Variants in GALNT13 observed in about 807,000 individuals in gnomAD.
The protein encoded by GALNT13 is polypeptide N-acetylgalactosaminyltransferase 13, also known as UDP-GalNAc:polypeptide N-acetylgalactosaminyltransferase 13.
In GALNT13, 28 loss-of-function variants were observed where a neutral mutation model predicts 64.2. The observed-to-expected ratio is 0.44, with a 90% confidence interval of 0.32 to 0.60. The LOEUF is 0.60. GALNT13 is among the 20% of genes least tolerant of loss of function. The pLI is 0.05. For missense variants in GALNT13, 577 were observed against 669.8 expected, an observed-to-expected ratio of 0.86 and a Z score of 1.53; for synonymous variants, 214 against 224.6, an observed-to-expected ratio of 0.95 and a Z score of 0.42.
upstream of GALNT13, among the ~76,000 whole-genome samples, chr2:153,867,664 A>G (rs1205620322): frequency 6.6e-6 from 1 of 151,876 alleles, no homozygotes; most frequent in East Asian, 1.9e-4. Flanking sequence ...AACTCACCAT[A>G]ATGTAGAATC....
chr2:153,153,145 C>T, the GALNT13 span, among the ~76,000 whole-genome samples: 1 of 152,098 alleles, frequency 6.6e-6, no homozygotes, highest in Non-Finnish European at 1.5e-5. Flanking sequence ...TTGCATTTCT[C>T]TAATGATCAG....
chr2:154,127,839 T>G (rs1456033906), intron 3 of GALNT13, among the ~76,000 whole-genome samples: 2 of 151,446 alleles, frequency 1.3e-5, no homozygotes, highest in Admixed American at 1.3e-4. Flanking sequence ...AATATAAACC[T>G]GCATTCATAT....
intron 3 of GALNT13, among the ~76,000 whole-genome samples, chr2:154,124,964 T>C (rs563302166): frequency 6.6e-6 from 1 of 152,252 alleles, no homozygotes; most frequent in East Asian, 1.9e-4. Context: ...TAAATATTAA[T>C]AACAAACTCT....
the GALNT13 span, among the ~76,000 whole-genome samples, chr2:153,202,112 G>A: frequency 1.3e-5 from 2 of 151,296 alleles, no homozygotes; most frequent in Non-Finnish European, 2.9e-5. Context: ...AGCCTCCCGA[G>A]TAGCTGGGAC....
intron 9 of GALNT13, among the ~76,000 whole-genome samples, chr2:154,303,302 C>T (rs1459843502): frequency 1.3e-5 from 2 of 152,022 alleles, no homozygotes; most frequent in African/African-American, 4.8e-5. Flanking sequence ...CTGGGGCCCA[C>T]AGAATGGTTG....
At chr2:154,422,438 G>A (rs539272626) in intron 11 of GALNT13, among the ~76,000 whole-genome samples, 7 of 152,048 alleles carry the variant, frequency 4.6e-5, no homozygotes, top group Non-Finnish European at 1.0e-4. Flanking sequence ...TACATGTGGT[G>A]TATACAGAAA....
At chr2:153,640,793 C>T in the GALNT13 span, among the ~76,000 whole-genome samples, 1 of 151,990 alleles carries the variant, frequency 6.6e-6, no homozygotes. Flanking sequence ...AAAAGTTTGT[C>T]AGGTGGGAAG....
At chr2:153,608,044 C>G in the GALNT13 span, among the ~76,000 whole-genome samples, 3 of 152,066 alleles carry the variant, frequency 2.0e-5, no homozygotes, top group African/African-American at 7.2e-5. Flanking sequence ...AAACTGGCCA[C>G]TGGAAGGATC....
intron 9 of GALNT13, among the ~76,000 whole-genome samples, chr2:154,355,185 C>T (rs1278971373): frequency 1.3e-5 from 2 of 152,030 alleles, no homozygotes; most frequent in Admixed American, 1.3e-4. Flanking sequence ...GGTTGTATAG[C>T]CTGTAGATAT....
the GALNT13 span, among the ~76,000 whole-genome samples, chr2:153,380,564 G>A: frequency 1.3e-5 from 2 of 151,966 alleles, no homozygotes; most frequent in South Asian, 2.1e-4. Context: ...TGATACTGTG[G>A]ATTTTGGTAA....
At chr2:154,001,036 A>G (rs910277616) in intron 3 of GALNT13, among the ~76,000 whole-genome samples, 11 of 151,978 alleles carry the variant, frequency 7.2e-5, no homozygotes, top group African/African-American at 2.7e-4. Context: ...CTTTATTATT[A>G]TATAATGGCT....
intron 3 of GALNT13, among the ~76,000 whole-genome samples, chr2:154,103,930 T>TA (rs1702476163): frequency 1.3e-5 from 2 of 152,104 alleles, no homozygotes; most frequent in Non-Finnish European, 2.9e-5. Flanking sequence ...GTGTTCCCAT[T>TA]TGGTCTCCAG....
Position 154,409,094 on chromosome 2 carries a change from CTTTT to C in GALNT13, c.1395+14_1395+17del. On this transcript the variant is annotated intron_variant, in intron 11 of 12. Transcript: ENST00000392825. ...TGGGAGGAAATCAGGTAAACTCTCC[CTTTT>C]TATCAGCTTCATGTTTTAGAGGGAA... 1 of 1,504,366 alleles carries C rather than the reference CTTTT, an allele frequency of 6.6e-7. No homozygotes were observed. 93.2% of individuals were successfully genotyped at this position (1,504,366 alleles called of 1,614,324 possible).
chr2:153,091,627 T>A, the GALNT13 span, among the ~76,000 whole-genome samples: 1 of 152,224 alleles, frequency 6.6e-6, no homozygotes, highest in Non-Finnish European at 1.5e-5. Flanking sequence ...GGGAGCTGCA[T>A]GTTAGCCTTG....
intron 12 of GALNT13, chr2:154,446,845 ATGTGGTT>A: frequency 7.3e-7 from 1 of 1,369,396 alleles, no homozygotes; most frequent in Non-Finnish European, 9.6e-7. Flanking sequence ...CTCCTTTAAA[ATGTGGTT>A]AAGAAAAATT....
At position 154,377,787 on chromosome 2, in the gene GALNT13, CAATA is replaced by C. The variant is rs1208555446; in HGVS notation, c.1157-18198_1157-18195del. On this transcript the variant is annotated intron_variant, in intron 9 of 12. Coordinates refer to ENST00000392825, the MANE Select transcript of GALNT13 (RefSeq NM_052917.4). ...ACTTCCCTTCTAGTATGAAGACAGA[CAATA>C]AATAAGATTATGATAGTAGCTGAGG... Among the ~76,000 whole-genome samples the C allele has an allele frequency of 2.0e-5, 3 of 151,914 alleles. No individual in the cohort carries two copies. In the East Asian group the frequency reaches 5.8e-4, roughly 29 times the overall value.
chr2:153,307,518 C>A, the GALNT13 span, among the ~76,000 whole-genome samples: 1 of 151,908 alleles, frequency 6.6e-6, no homozygotes, highest in Non-Finnish European at 1.5e-5. Flanking sequence ...AAATTTTACA[C>A]TTTAAAATAA....
chr2:154,224,646 A>G (rs1559034591), intron 4 of GALNT13, among the ~76,000 whole-genome samples: 1 of 152,150 alleles, frequency 6.6e-6, no homozygotes, highest in African/African-American at 2.4e-5. Context: ...TTAATATATG[A>G]TAAAAATGAC....
At chr2:153,415,132 G>T in the GALNT13 span, among the ~76,000 whole-genome samples, 1 of 152,172 alleles carries the variant, frequency 6.6e-6, no homozygotes, top group Non-Finnish European at 1.5e-5. Flanking sequence ...AAAAGACTAA[G>T]ATCCAGAAGA....
Sources: allele counts gnomAD v4.1 joint callset (sites outside exome capture counted in the v4.1 genomes callset), GRCh38; gene constraint gnomAD v4.1.1; transcripts MANE v1.5; gene names NCBI Gene and HGNC (gene_info 2026-07-23, HGNC 2026-07-21).